Variants in ZBTB20 observed in about 807,000 individuals in gnomAD.
The protein encoded by ZBTB20 is zinc finger and BTB domain-containing protein 20.
ZBTB20 carries 9 observed loss-of-function variants against 56.9 expected under a neutral mutation model. The ratio of observed to expected loss-of-function variants is 0.16; its 90% CI spans 0.10 to 0.28. The LOEUF is 0.28. Ranked by LOEUF, ZBTB20 falls within the 10% of genes least tolerant of loss-of-function variation. The pLI, the probability that ZBTB20 is intolerant of heterozygous loss-of-function variation, is 1.00. For missense variants in ZBTB20, 655 were observed against 1,003.0 expected, an observed-to-expected ratio of 0.65 and a Z score of 4.69; for synonymous variants, 417 against 420.7, an observed-to-expected ratio of 0.99 and a Z score of 0.11.
intron 7 of ZBTB20, among the ~76,000 whole-genome samples, chr3:114,410,257 C>T (rs1382487423): frequency 7.2e-5 from 11 of 152,066 alleles, no homozygotes; most frequent in Non-Finnish European, 1.2e-4. Context: ...TCCTTGTTCC[C>T]TTCTCTCCTG....
intron 6 of ZBTB20, among the ~76,000 whole-genome samples, chr3:114,678,009 C>A (rs1306443843): frequency 6.6e-6 from 1 of 152,054 alleles, no homozygotes; most frequent in East Asian, 1.9e-4. Context: ...TCATACCTGA[C>A]AAAGACTTTT....
At chr3:114,464,869 C>A (rs1173794319) in intron 7 of ZBTB20, among the ~76,000 whole-genome samples, 2 of 152,086 alleles carry the variant, frequency 1.3e-5, no homozygotes, top group African/African-American at 4.8e-5. Context: ...CACATCACAG[C>A]ACTACAATAA....
At chr3:114,938,594 T>C (rs377072821) in intron 3 of ZBTB20, among the ~76,000 whole-genome samples, 1 of 145,866 alleles carries the variant, frequency 6.9e-6, no homozygotes, top group East Asian at 1.9e-4. Context: ...ACACCGCATG[T>C]TCGCACTCAT....
chr3:114,772,673 T>G (rs1402753280), intron 5 of ZBTB20, among the ~76,000 whole-genome samples: 1 of 152,156 alleles, frequency 6.6e-6, no homozygotes, highest in Non-Finnish European at 1.5e-5. Context: ...CTTCTACTTC[T>G]AGATCAAAAG....
intron 5 of ZBTB20, among the ~76,000 whole-genome samples, chr3:114,799,905 G>C (rs1012219516): frequency 2.0e-5 from 3 of 151,906 alleles, no homozygotes; most frequent in African/African-American, 7.2e-5. Flanking sequence ...AGCAACTCCA[G>C]AACTGTCTAC....
At chr3:115,013,105 T>G (rs973258015) in intron 2 of ZBTB20, among the ~76,000 whole-genome samples, 1 of 151,334 alleles carries the variant, frequency 6.6e-6, no homozygotes, top group African/African-American at 2.4e-5. Flanking sequence ...AGTACTTACA[T>G]GAAAAAATAG....
Position 114,338,955 on chromosome 3 carries a change from T to C in ZBTB20, c.*50A>G. ...GTGCCATAGCTTTTTTGTTTGTTTG[T>C]TTTTTGTTGTTGTTTTGTTTTGTTC... On this transcript the variant is annotated 3_prime_UTR_variant, in exon 12 of 12. Coordinates refer to ENST00000675478, the MANE Select transcript of ZBTB20 (RefSeq NM_001348800.3). 1 of 1,455,498 alleles carries C rather than the reference T, an allele frequency of 6.9e-7. No individual in the cohort carries two copies. Among genetic ancestry groups the C allele is most frequent in the Non-Finnish European group, 9.1e-7 (1 of 1,098,200 alleles). 90.2% of individuals were successfully genotyped at this position (1,455,498 alleles called of 1,614,324 possible).
intron 6 of ZBTB20, among the ~76,000 whole-genome samples, chr3:114,535,256 A>G (rs2110064575): frequency 6.6e-6 from 1 of 152,280 alleles, no homozygotes; most frequent in South Asian, 2.1e-4. Context: ...AGACTAATCA[A>G]GAAGAAAAGA....
intron 1 of ZBTB20, among the ~76,000 whole-genome samples, chr3:115,140,168 T>C (rs1216330348): frequency 6.6e-6 from 1 of 152,058 alleles, no homozygotes; most frequent in African/African-American, 2.4e-5. Flanking sequence ...GAGATCCGCA[T>C]AGATTATGCA....
intron 7 of ZBTB20, among the ~76,000 whole-genome samples, chr3:114,431,799 A>C (rs943386564): frequency 2.1e-4 from 32 of 152,222 alleles, no homozygotes; most frequent in African/African-American, 7.0e-4. Flanking sequence ...CAGCTACTGC[A>C]GTTTGGTCTG....
chr3:114,990,078 A>G (rs2078733692), intron 2 of ZBTB20, among the ~76,000 whole-genome samples: 1 of 152,038 alleles, frequency 6.6e-6, no homozygotes, highest in Non-Finnish European at 1.5e-5. Context: ...TCTTTTCCTA[A>G]TTGAATACCC....
Position 114,852,974 on chromosome 3 carries a change from C to T in ZBTB20, c.-417+47330G>A, listed in dbSNP as rs373237168. Among the ~76,000 whole-genome samples, 16 of 152,272 alleles carry T rather than the reference C, an allele frequency of 1.1e-4. No individual in the cohort carries two copies. The East Asian group carries it at 1.5e-3, about 15-fold the overall frequency. ...GTCTTGTCTTCCCCATTTAGATTAGCGGGAGTTCCAAAGGGCTTGCACAAA... is the reference window on the plus strand; with the variant it reads ...GTCTTGTCTTCCCCATTTAGATTAGTGGGAGTTCCAAAGGGCTTGCACAAA... On this transcript the variant is annotated intron_variant, in intron 4 of 11. Coordinates refer to ENST00000675478, the MANE Select transcript of ZBTB20 (RefSeq NM_001348800.3).
At chr3:114,724,461 T>G (rs2065134078) in intron 5 of ZBTB20, among the ~76,000 whole-genome samples, 1 of 152,178 alleles carries the variant, frequency 6.6e-6, no homozygotes, top group African/African-American at 2.4e-5. Flanking sequence ...GAGGCAGAAT[T>G]TAGAAGACTT....
chr3:114,792,450 G>A (rs555786458), intron 5 of ZBTB20, among the ~76,000 whole-genome samples: 1 of 152,268 alleles, frequency 6.6e-6, no homozygotes, highest in East Asian at 1.9e-4. Context: ...AATCTCAGAA[G>A]TCAAAGCTCA....
chr3:114,357,855 C>A (rs940347542), intron 10 of ZBTB20, among the ~76,000 whole-genome samples: 2 of 152,120 alleles, frequency 1.3e-5, no homozygotes, highest in African/African-American at 2.4e-5. Flanking sequence ...TATGAGAAAG[C>A]AAACAATCTT....
chr3:114,522,234 T>C (rs1288194414), intron 6 of ZBTB20, among the ~76,000 whole-genome samples: 1 of 152,116 alleles, frequency 6.6e-6, no homozygotes, highest in Non-Finnish European at 1.5e-5. Context: ...CTGAAGATGA[T>C]AAGCAAACAA....
At chr3:114,450,437 T>G (rs990261483) in intron 7 of ZBTB20, among the ~76,000 whole-genome samples, 1 of 152,184 alleles carries the variant, frequency 6.6e-6, no homozygotes, top group African/African-American at 2.4e-5. Context: ...CGAAAAATAG[T>G]TCTCTCTTCC....
chr3:114,342,707 A>C (rs2079877949), intron 11 of ZBTB20, among the ~76,000 whole-genome samples: 1 of 152,256 alleles, frequency 6.6e-6, no homozygotes, highest in Non-Finnish European at 1.5e-5. Context: ...TGTTCCATTC[A>C]TCACAAAGGA....
intron 6 of ZBTB20, among the ~76,000 whole-genome samples, chr3:114,554,930 T>C (rs1020059289): frequency 6.6e-6 from 1 of 152,172 alleles, no homozygotes; most frequent in African/African-American, 2.4e-5. Context: ...CTTTGCCTCA[T>C]AGTTTATGTT....
Sources: allele counts gnomAD v4.1 joint callset (sites outside exome capture counted in the v4.1 genomes callset), GRCh38; gene constraint gnomAD v4.1.1; transcripts MANE v1.5; gene names NCBI Gene and HGNC (gene_info 2026-07-23, HGNC 2026-07-21).